Variants in CNTN4 observed in about 807,000 individuals in gnomAD.
CNTN4 encodes the protein contactin 4.
In CNTN4, 77 loss-of-function variants were observed where a neutral mutation model predicts 122.5. The observed-to-expected ratio is 0.63, with a 90% CI of 0.52 to 0.76. The LOEUF (loss-of-function observed/expected upper bound fraction) is 0.76. Among genes scored for constraint, CNTN4 ranks in the 30% least tolerant of loss-of-function variants. CNTN4 has a pLI of 0.00. For missense variants in CNTN4, 1,256 were observed against 1,259.1 expected, an observed-to-expected ratio of 1.00 and a Z score of 0.04; for synonymous variants, 512 against 447.0, an observed-to-expected ratio of 1.15 and a Z score of -1.83.
intron 6 of CNTN4, among the ~76,000 whole-genome samples, chr3:2,787,484 G>A (rs554980867): frequency 6.6e-6 from 1 of 152,130 alleles, no homozygotes; most frequent in African/African-American, 2.4e-5. Context: ...ATTACATACC[G>A]GAATTATTGC....
At chr3:2,383,715 CCTT>C (rs1166064906) in intron 3 of CNTN4, among the ~76,000 whole-genome samples, 1 of 149,850 alleles carries the variant, frequency 6.7e-6, no homozygotes, top group Non-Finnish European at 1.5e-5. Context: ...CCCTCCCTCT[CCTT>C]CTTCTGTCTC....
intron 2 of CNTN4, among the ~76,000 whole-genome samples, chr3:2,325,813 A>G (rs112512479): frequency 1.6e-3 from 241 of 152,360 alleles, no homozygotes; most frequent in African/African-American, 4.8e-3. Flanking sequence ...AACATCAGTA[A>G]TAGAGTACAT....
chr3:2,442,009 C>T (rs2048459974), intron 3 of CNTN4, among the ~76,000 whole-genome samples: 1 of 152,150 alleles, frequency 6.6e-6, no homozygotes, highest in Non-Finnish European at 1.5e-5. Flanking sequence ...TTTCCAGTAA[C>T]TAATATTCTA....
intron 2 of CNTN4, among the ~76,000 whole-genome samples, chr3:2,102,392 C>T (rs776263833): frequency 6.6e-6 from 1 of 152,170 alleles, no homozygotes; most frequent in Non-Finnish European, 1.5e-5. Context: ...CACGGCATCA[C>T]GATAGGGATT....
chr3:2,373,077 T>G (rs1182216881), intron 3 of CNTN4, among the ~76,000 whole-genome samples: 4 of 151,512 alleles, frequency 2.6e-5, no homozygotes, highest in Non-Finnish European at 5.9e-5. Context: ...ATAAATAGAT[T>G]GACCTGAAAA....
chr3:2,564,446 C>A (rs1410332232), intron 3 of CNTN4, among the ~76,000 whole-genome samples: 1 of 152,072 alleles, frequency 6.6e-6, no homozygotes, highest in East Asian at 1.9e-4. Context: ...AAAATTGTTA[C>A]AAGCCTCAAA....
chr3:2,449,305 C>T (rs2151340786), intron 3 of CNTN4, among the ~76,000 whole-genome samples: 1 of 152,208 alleles, frequency 6.6e-6, no homozygotes, highest in South Asian at 2.1e-4. Context: ...AATAATACTG[C>T]AATAAACTTA....
chr3:2,140,936 T>A (rs1287938574), intron 2 of CNTN4, among the ~76,000 whole-genome samples: 2 of 152,238 alleles, frequency 1.3e-5, no homozygotes, highest in Admixed American at 6.5e-5. Context: ...CCAGCTTCTT[T>A]TCTTTAAAGA....
At chr3:2,585,552 A>G (rs913320778) in intron 4 of CNTN4, among the ~76,000 whole-genome samples, 2 of 152,070 alleles carry the variant, frequency 1.3e-5, no homozygotes, top group Non-Finnish European at 2.9e-5. Context: ...ACATGGATGA[A>G]GCTGGAAACC....
At position 2,802,192 on chromosome 3, in the gene CNTN4, A is replaced by AT. The variant is rs1259319456; in HGVS notation, c.359-17293dup. 2.0e-5 allele frequency among the ~76,000 whole-genome samples: 3 copies of AT among 152,214 alleles called. No homozygotes were observed. In the South Asian group the frequency reaches 6.2e-4, roughly 32 times the overall value. The stretch of plus-strand genomic sequence containing the variant: ...TGTATCCAGTGCCCACCAAGTGCCC[A>AT]TCCCTGAAATTTATCGATAACCCTC... On this transcript the variant is annotated intron_variant, in intron 6 of 24. Transcript: ENST00000418658.
At chr3:2,585,364 A>G (rs1235123692) in intron 4 of CNTN4, among the ~76,000 whole-genome samples, 1 of 151,476 alleles carries the variant, frequency 6.6e-6, no homozygotes, top group Non-Finnish European at 1.5e-5. Flanking sequence ...ATTATAAATC[A>G]TGCTGCTATA....
At chr3:2,930,485 T>G (rs1382159671) in intron 13 of CNTN4, among the ~76,000 whole-genome samples, 1 of 152,220 alleles carries the variant, frequency 6.6e-6, no homozygotes, top group African/African-American at 2.4e-5. Context: ...ATTTTACTTT[T>G]CACCGAAGCC....
intron 2 of CNTN4, among the ~76,000 whole-genome samples, chr3:2,208,212 TAAAGA>T (rs1172996742): frequency 1.6e-4 from 25 of 152,114 alleles, no homozygotes; most frequent in African/African-American, 5.6e-4. Flanking sequence ...TTCTATGCCA[TAAAGA>T]ACATTTTTGC....
chr3:2,238,345 A>T (rs1413835153), intron 2 of CNTN4, among the ~76,000 whole-genome samples: 1 of 152,088 alleles, frequency 6.6e-6, no homozygotes, highest in Non-Finnish European at 1.5e-5. Context: ...CAACAGCAAT[A>T]TATTTTCTAT....
At chr3:2,566,643 C>T (rs531306991) in intron 3 of CNTN4, among the ~76,000 whole-genome samples, 1 of 151,878 alleles carries the variant, frequency 6.6e-6, no homozygotes, top group East Asian at 1.9e-4. Flanking sequence ...TTTAAATAAA[C>T]GATGATAGTT....
intron 13 of CNTN4, among the ~76,000 whole-genome samples, chr3:2,956,026 AAG>A (rs2094795996): frequency 3.3e-5 from 5 of 152,222 alleles, no homozygotes; most frequent in African/African-American, 1.2e-4. Flanking sequence ...AATAATCAAA[AAG>A]TGGAAACAGC....
intron 2 of CNTN4, among the ~76,000 whole-genome samples, chr3:2,211,061 C>G (rs1346155399): frequency 8.5e-5 from 13 of 152,166 alleles, no homozygotes; most frequent in Non-Finnish European, 1.5e-5. Context: ...AATTGGCTCA[C>G]AGTTCTGCAA....
chr3:2,920,791 T>A (rs987077699), intron 12 of CNTN4, among the ~76,000 whole-genome samples: 1 of 130,766 alleles, frequency 7.6e-6, no homozygotes, highest in Non-Finnish European at 1.7e-5. Context: ...ATCTCATGAT[T>A]GTAAAATTCT....
chr3:2,735,398 C>A (rs572719161), intron 4 of CNTN4, among the ~76,000 whole-genome samples: 1 of 152,186 alleles, frequency 6.6e-6, no homozygotes, highest in Non-Finnish European at 1.5e-5. Context: ...AGTCTTTGAA[C>A]TTTGTTACTG....
Sources: allele counts gnomAD v4.1 joint callset (sites outside exome capture counted in the v4.1 genomes callset), GRCh38; gene constraint gnomAD v4.1.1; transcripts MANE v1.5; gene names NCBI Gene and HGNC (gene_info 2026-07-23, HGNC 2026-07-21).